The following CSMD1 variants were observed in gnomAD, a reference collection of about 807,000 sequenced individuals.
The protein encoded by CSMD1 is CUB and Sushi multiple domains 1.
CSMD1 carries 213 observed loss-of-function variants against 417.5 expected under a neutral mutation model. The ratio of observed to expected loss-of-function variants is 0.51; its 90% CI spans 0.46 to 0.57. The LOEUF (loss-of-function observed/expected upper bound fraction) is 0.57. CSMD1 is among the 20% of genes least tolerant of loss of function. CSMD1 has a pLI of 0.00. For synonymous variants in CSMD1, 2,862 were observed against 1,736.8 expected (o/e 1.65, Z -16.11); for missense variants, 6,923 against 4,529.7 (o/e 1.53, Z -15.17).
intron 2 of CSMD1, among the ~76,000 whole-genome samples, chr8:4,457,694 G>A (rs1414180568): frequency 6.6e-6 from 1 of 152,104 alleles, no homozygotes; most frequent in East Asian, 1.9e-4. Flanking sequence ...AGGTTCACAT[G>A]GGAGAGGCAG....
At chr8:3,853,627 C>G (rs1307151283) in intron 5 of CSMD1, among the ~76,000 whole-genome samples, 1 of 151,818 alleles carries the variant, frequency 6.6e-6, no homozygotes, top group African/African-American at 2.4e-5. Context: ...AGACCTTGTG[C>G]CCCTGTGAGC....
At chr8:4,088,953 A>T (rs1800573617) in intron 3 of CSMD1, among the ~76,000 whole-genome samples, 1 of 152,142 alleles carries the variant, frequency 6.6e-6, no homozygotes, top group African/African-American at 2.4e-5. Context: ...CCTGAATTCC[A>T]CGAAGGGTCA....
At chr8:3,406,299 A>C (rs10098063) in intron 14 of CSMD1, 78 bp from the exon 15 acceptor site, 86,437 of 1,195,838 alleles carry the variant, frequency 0.072, 3,449 homozygotes, top group African/African-American at 0.11. Context: ...AAGAAAACAG[A>C]ACAAGCTTAT....
At chr8:4,032,933 G>C (rs1797425275) in intron 3 of CSMD1, among the ~76,000 whole-genome samples, 2 of 151,962 alleles carry the variant, frequency 1.3e-5, no homozygotes, top group Non-Finnish European at 2.9e-5. Flanking sequence ...TTCCCTGTTG[G>C]AATTACTGAT....
At chr8:4,852,476 T>C (rs747259321) in intron 1 of CSMD1, among the ~76,000 whole-genome samples, 36 of 152,140 alleles carry the variant, frequency 2.4e-4, no homozygotes, top group Admixed American at 5.9e-4. Flanking sequence ...GCCTCACCAG[T>C]TGAGGCCTCA....
At chr8:3,540,032 C>T (rs2117559257) in intron 10 of CSMD1, among the ~76,000 whole-genome samples, 1 of 152,268 alleles carries the variant, frequency 6.6e-6, no homozygotes, top group African/African-American at 2.4e-5. Context: ...TCTGTTGTGT[C>T]TGCTGCTGTG....
intron 8 of CSMD1, among the ~76,000 whole-genome samples, chr8:3,586,792 TTTTG>T (rs984233125): frequency 9.9e-5 from 15 of 152,176 alleles, no homozygotes; most frequent in East Asian, 9.6e-4. Context: ...TTTACTTTTC[TTTTG>T]TTTGTTTGTT....
chr8:4,041,605 T>C (rs1453427113), intron 3 of CSMD1, among the ~76,000 whole-genome samples: 1 of 151,962 alleles, frequency 6.6e-6, no homozygotes, highest in Non-Finnish European at 1.5e-5. Context: ...CAAAAAGTAA[T>C]AAGCACGCAA....
At chr8:2,978,553 C>T in intron 55 of CSMD1, 59 bp downstream of exon 55, 1 of 1,331,306 alleles carries the variant, frequency 7.5e-7, no homozygotes, top group Non-Finnish European at 1.0e-6. Context: ...ACGGAATTTT[C>T]TGCTGATGGT....
intron 1 of CSMD1, among the ~76,000 whole-genome samples, chr8:4,975,790 A>G (rs895745928): frequency 1.3e-5 from 2 of 152,150 alleles, no homozygotes; most frequent in African/African-American, 4.8e-5. Flanking sequence ...GTTGTGGAGG[A>G]GTCATGAATA....
intron 1 of CSMD1, among the ~76,000 whole-genome samples, chr8:4,740,181 G>A (rs61277683): frequency 0.18 from 27,458 of 151,970 alleles, 3,363 homozygotes; most frequent in African/African-American, 0.35. Context: ...ACCCTGAGAC[G>A]AACACATTAT....
chr8:3,942,522 C>T (rs920687202), intron 5 of CSMD1, among the ~76,000 whole-genome samples: 1 of 152,134 alleles, frequency 6.6e-6, no homozygotes, highest in Non-Finnish European at 1.5e-5. Flanking sequence ...ACCCTCAACC[C>T]AGGAGGACAC....
chr8:4,727,579 C>G (rs572664319), intron 1 of CSMD1, among the ~76,000 whole-genome samples: 2 of 152,276 alleles, frequency 1.3e-5, no homozygotes, highest in African/African-American at 4.8e-5. Context: ...GATTTATTTT[C>G]TTACCTAACG....
chr8:4,148,292 C>T (rs186171917), intron 3 of CSMD1, among the ~76,000 whole-genome samples: 1 of 144,338 alleles, frequency 6.9e-6, no homozygotes, highest in African/African-American at 2.6e-5. Context: ...ACCACATGTT[C>T]TCACTCATAG....
At chr8:3,568,221 T>C (rs975390402) in intron 10 of CSMD1, among the ~76,000 whole-genome samples, 5 of 152,334 alleles carry the variant, frequency 3.3e-5, no homozygotes, top group Admixed American at 6.5e-5. Context: ...TTGTGGATGT[T>C]TGAGTATTTA....
chr8:3,745,458 C>A (rs561311341), intron 6 of CSMD1, among the ~76,000 whole-genome samples: 13 of 152,322 alleles, frequency 8.5e-5, no homozygotes, highest in African/African-American at 3.1e-4. Flanking sequence ...GCCAACTTGA[C>A]GTAATCTGAG....
intron 12 of CSMD1, among the ~76,000 whole-genome samples, chr8:3,431,825 C>G (rs1814234233): frequency 6.6e-6 from 1 of 152,138 alleles, no homozygotes; most frequent in Non-Finnish European, 1.5e-5. Flanking sequence ...TATTTTATTC[C>G]ATACAATTGT....
chr8:3,751,884 C>A (rs1184251215), intron 6 of CSMD1, among the ~76,000 whole-genome samples: 1 of 152,190 alleles, frequency 6.6e-6, no homozygotes, highest in Admixed American at 6.5e-5. Context: ...GATCAATTTA[C>A]ATTTTAGAGA....
intron 3 of CSMD1, among the ~76,000 whole-genome samples, chr8:4,230,059 G>A (rs1801618969): frequency 6.6e-6 from 1 of 152,154 alleles, no homozygotes; most frequent in Admixed American, 6.5e-5. Flanking sequence ...GTGCGTGCGT[G>A]CACTCAGGTG....
Sources: allele counts gnomAD v4.1 joint callset (sites outside exome capture counted in the v4.1 genomes callset), GRCh38; gene constraint gnomAD v4.1.1; transcripts MANE v1.5; gene names NCBI Gene and HGNC (gene_info 2026-07-23, HGNC 2026-07-21).